CNTNAP5: variants seen among roughly 807,000 people sequenced by gnomAD.
The protein encoded by CNTNAP5 is contactin associated protein family member 5.
CNTNAP5 carries 72 observed loss-of-function variants against 150.2 expected under a neutral mutation model. The observed-to-expected ratio is 0.48, with a 90% CI of 0.40 to 0.58. The LOEUF (loss-of-function observed/expected upper bound fraction) is 0.58, where lower values mean the gene tolerates loss of function less well. Ranked by LOEUF, CNTNAP5 falls within the 20% of genes least tolerant of loss-of-function variation. CNTNAP5 has a pLI of 0.00. For missense variants in CNTNAP5, 1,636 were observed against 1,626.2 expected (o/e 1.01, Z -0.10); for synonymous variants, 672 against 619.8 (o/e 1.08, Z -1.25).
intron 13 of CNTNAP5, among the ~76,000 whole-genome samples, chr2:124,695,665 T>C (rs1679390794): frequency 6.6e-6 from 1 of 152,144 alleles, no homozygotes; most frequent in Non-Finnish European, 1.5e-5. Context: ...AGAAAGTCTG[T>C]GTTAATCGAA....
intron 13 of CNTNAP5, among the ~76,000 whole-genome samples, chr2:124,712,976 C>A (rs1459544846): frequency 6.6e-6 from 1 of 152,104 alleles, no homozygotes; most frequent in Non-Finnish European, 1.5e-5. Flanking sequence ...GACCTAATCA[C>A]CTCCCAAAGG....
intron 3 of CNTNAP5, among the ~76,000 whole-genome samples, chr2:124,262,068 C>A (rs960778322): frequency 2.0e-5 from 3 of 151,938 alleles, no homozygotes; most frequent in Non-Finnish European, 4.4e-5. Context: ...ATAGTGAGAT[C>A]TTGTCTCTAC....
chr2:124,072,068 T>C (rs533376638), intron 1 of CNTNAP5, among the ~76,000 whole-genome samples: 1 of 152,158 alleles, frequency 6.6e-6, no homozygotes, highest in East Asian at 1.9e-4. Flanking sequence ...GATGCAAGCA[T>C]GGTTCAACAT....
chr2:124,706,943 G>A (rs150438249), intron 13 of CNTNAP5, among the ~76,000 whole-genome samples: 11,432 of 74,340 alleles, frequency 0.15, 1,227 homozygotes, highest in Non-Finnish European at 0.21. Flanking sequence ...GAAGAAGAAG[G>A]AGGAGGAGGA....
At chr2:124,891,234 C>T (rs547983944) in intron 21 of CNTNAP5, among the ~76,000 whole-genome samples, 1 of 152,060 alleles carries the variant, frequency 6.6e-6, no homozygotes, top group East Asian at 1.9e-4. Context: ...TGCTGGGTGC[C>T]TTGATGGGGA....
At position 124,917,456 on chromosome 2, in the gene CNTNAP5, G is replaced by A. The variant is rs1678793593; in HGVS notation, c.*3168G>A. On this transcript the variant is annotated 3_prime_UTR_variant, in exon 24 of 24. Transcript: ENST00000682447. ...TTATGAAAATTTGTCTGGAGAAATA[G>A]ACATTTGTCATTTCTATAGACATAT... is the stretch of plus-strand genomic sequence containing the variant. 1.3e-5 allele frequency among the ~76,000 whole-genome samples: 2 copies of A among 152,156 alleles called. No homozygotes were observed. Among genetic ancestry groups the A allele is most frequent in the South Asian group, 4.1e-4 (2 of 4,824 alleles).
chr2:124,693,741 G>C (rs570660876), intron 13 of CNTNAP5, among the ~76,000 whole-genome samples: 65 of 151,124 alleles, frequency 4.3e-4, no homozygotes, highest in African/African-American at 1.6e-3. Flanking sequence ...TTTTTCAATA[G>C]AGTGGAAATG....
At chr2:124,322,161 TAATAAAATAA>T (rs10524229) in intron 3 of CNTNAP5, among the ~76,000 whole-genome samples, 43,376 of 148,902 alleles carry the variant, frequency 0.29, 7,134 homozygotes, top group African/African-American at 0.43. Flanking sequence ...AAAATAATAA[TAATAAAATAA>T]AATAAAATAA....
At chr2:124,784,272 AGTTTTGCTG>A (rs1314303635) in intron 17 of CNTNAP5, among the ~76,000 whole-genome samples, 1 of 152,202 alleles carries the variant, frequency 6.6e-6, no homozygotes, top group African/African-American at 2.4e-5. Context: ...TCTGAAAATC[AGTTTTGCTG>A]GAGCATGTGC....
At chr2:124,066,063 G>A (rs967344657) in intron 1 of CNTNAP5, among the ~76,000 whole-genome samples, 2 of 152,106 alleles carry the variant, frequency 1.3e-5, no homozygotes, top group African/African-American at 2.4e-5. Context: ...ACTGCAGTCT[G>A]CCTGAGTGCT....
intron 6 of CNTNAP5, among the ~76,000 whole-genome samples, chr2:124,451,393 A>C (rs1285197906): frequency 6.6e-6 from 1 of 152,026 alleles, no homozygotes; most frequent in Non-Finnish European, 1.5e-5. Flanking sequence ...AAAATCCAGA[A>C]ACTTGGAACT....
intron 2 of CNTNAP5, among the ~76,000 whole-genome samples, chr2:124,235,338 C>T (rs768798808): frequency 6.6e-6 from 1 of 152,002 alleles, no homozygotes; most frequent in Non-Finnish European, 1.5e-5. Flanking sequence ...GATGAGTTCA[C>T]CTGCTAGAGA....
intron 11 of CNTNAP5, among the ~76,000 whole-genome samples, chr2:124,584,202 A>T (rs1696476697): frequency 6.6e-6 from 1 of 152,146 alleles, no homozygotes; most frequent in Admixed American, 6.6e-5. Context: ...AATGTTGTAA[A>T]CACATTGCTC....
intron 10 of CNTNAP5, among the ~76,000 whole-genome samples, chr2:124,533,195 A>G (rs183898428): frequency 6.6e-6 from 1 of 152,316 alleles, no homozygotes; most frequent in Admixed American, 6.5e-5. Context: ...GATCAGGACT[A>G]GAATGAGCCT....
At chr2:124,320,852 A>G (rs2104668667) in intron 3 of CNTNAP5, among the ~76,000 whole-genome samples, 1 of 152,236 alleles carries the variant, frequency 6.6e-6, no homozygotes, top group East Asian at 1.9e-4. Context: ...TCACTGGTGG[A>G]CCGTGCATTT....
intron 1 of CNTNAP5, among the ~76,000 whole-genome samples, chr2:124,057,438 C>T (rs4848235): frequency 0.14 from 14,651 of 103,096 alleles, 937 homozygotes; most frequent in East Asian, 0.4. Context: ...CCCACCAGCA[C>T]GGCCAGCTAA....
At chr2:124,059,201 G>T (rs545413880) in intron 1 of CNTNAP5, among the ~76,000 whole-genome samples, 1 of 151,960 alleles carries the variant, frequency 6.6e-6, no homozygotes, top group Admixed American at 6.6e-5. Context: ...GGTAGTAAAA[G>T]TTATCCTTAA....
chr2:124,221,080 G>A (rs1558807160), intron 1 of CNTNAP5, among the ~76,000 whole-genome samples: 1 of 152,098 alleles, frequency 6.6e-6, no homozygotes, highest in African/African-American at 2.4e-5. Flanking sequence ...AGGATAGGTT[G>A]GAAGGATAGC....
chr2:124,349,453 C>T (rs1177474961), intron 3 of CNTNAP5, among the ~76,000 whole-genome samples: 1 of 152,096 alleles, frequency 6.6e-6, no homozygotes, highest in Non-Finnish European at 1.5e-5. Flanking sequence ...CTTATTTTCC[C>T]GTTTGTGTAA....
Sources: gnomAD v4.1 joint callset for allele counts (sites outside exome capture counted in the v4.1 genomes callset) on GRCh38, gnomAD v4.1.1 for gene constraint, MANE v1.5 for transcripts, NCBI Gene and HGNC (gene_info 2026-07-23, HGNC 2026-07-21) for gene names.